Variants in HHIPL1 observed in about 807,000 individuals in gnomAD.
The protein encoded by HHIPL1 is HHIP like 1.
Under a neutral mutation model 61.8 loss-of-function variants are expected in HHIPL1, and 43 were observed. The ratio of observed to expected loss-of-function variants is 0.70; its 90% confidence interval spans 0.55 to 0.90. The LOEUF (loss-of-function observed/expected upper bound fraction) is 0.90. Among genes scored for constraint, HHIPL1 ranks in the 40% least tolerant of loss-of-function variants. The probability of loss-of-function intolerance (pLI) is 0.00; values close to 1 mark genes in which losing one functional copy is unlikely to be tolerated. For synonymous variants in HHIPL1, 482 were observed against 515.8 expected (o/e 0.93, Z 0.89); for missense variants, 1,056 against 1,157.7 (o/e 0.91, Z 1.28).
the HHIPL1 span, among the ~76,000 whole-genome samples, chr14:99,611,843 A>ATCTC: frequency 6.6e-6 from 1 of 152,028 alleles, no homozygotes; most frequent in African/African-American, 2.4e-5. Context: ...AAGACAGAGA[A>ATCTC]TGTCAGGGTC....
At chr14:99,645,512 C>A in intron 1 of HHIPL1, 50 bp downstream of exon 1, 3 of 1,250,180 alleles carry the variant, frequency 2.4e-6, no homozygotes, top group Non-Finnish European at 3.0e-6. Context: ...GAGGCCGAGT[C>A]CTGGAGCAGA....
the HHIPL1 span, among the ~76,000 whole-genome samples, chr14:99,633,053 G>C: frequency 6.6e-6 from 1 of 152,066 alleles, no homozygotes; most frequent in Non-Finnish European, 1.5e-5. Context: ...GTGGATTCAT[G>C]TGAGAGACAG....
chr14:99,616,474 G>A, the HHIPL1 span, among the ~76,000 whole-genome samples: 1 of 152,230 alleles, frequency 6.6e-6, no homozygotes, highest in Non-Finnish European at 1.5e-5. Context: ...AGGGACGTAA[G>A]TGGCCCGAAG....
At chr14:99,649,047 C>T (rs1346193148) in intron 1 of HHIPL1, among the ~76,000 whole-genome samples, 1 of 152,202 alleles carries the variant, frequency 6.6e-6, no homozygotes, top group Non-Finnish European at 1.5e-5. Context: ...GGCCAAGCTG[C>T]GGATCATCCT....
upstream of HHIPL1, among the ~76,000 whole-genome samples, chr14:99,642,737 T>C (rs373334135): frequency 2.0e-5 from 3 of 151,978 alleles, no homozygotes; most frequent in African/African-American, 7.3e-5. Flanking sequence ...TATTAGCCAG[T>C]ATGATTTCGA....
At chr14:99,639,651 T>G in the HHIPL1 span, among the ~76,000 whole-genome samples, 1 of 151,322 alleles carries the variant, frequency 6.6e-6, no homozygotes, top group Non-Finnish European at 1.5e-5. Flanking sequence ...CAGGTAGGCC[T>G]TGTTTTTTTG....
At position 99,660,155 on chromosome 14, in the gene HHIPL1, C is replaced by T; in HGVS notation, c.1376-125C>T. ...CCAGCCCTGCTGTGGGCACGCCAGC[C>T]CTGCTGTGGGCACGCCCCTCCCTCC... On this transcript the variant is annotated intron_variant, in intron 4 of 8. Coordinates refer to ENST00000330710, the MANE Select transcript of HHIPL1 (RefSeq NM_001127258.3). This position sits in a 1 kb window ranked among gnomAD's most constrained non-coding sequence, Gnocchi z 4.9. The T allele has an allele frequency of 8.4e-7, 1 of 1,189,142 alleles. No individual in the cohort carries two copies. Among genetic ancestry groups the T allele is most frequent in the Non-Finnish European group, 1.2e-6 (1 of 840,060 alleles). 73.7% of individuals were successfully genotyped at this position (1,189,142 alleles called of 1,614,324 possible).
the HHIPL1 span, among the ~76,000 whole-genome samples, chr14:99,605,404 C>T: frequency 3.3e-5 from 5 of 151,708 alleles, no homozygotes; most frequent in Non-Finnish European, 1.5e-5. Context: ...GGGTCCCTCC[C>T]CCGGAACCTG....
Position 99,679,896 on chromosome 14 carries a change from A to T in HHIPL1, c.*4270A>T, listed in dbSNP as rs985750966. 1 of 152,276 alleles carries T rather than the reference A, an allele frequency of 6.6e-6. No homozygotes were observed. The highest frequency in any genetic ancestry group is 1.5e-5 in the Non-Finnish European group (1 of 68,056). 9.4% of individuals were successfully genotyped at this position (152,276 alleles called of 1,614,324 possible). A position where few individuals can be genotyped will look rare whatever the true frequency, so the allele number is the denominator to read the frequency against. ...GCAGAAGAAAGAGCTCCTTCAGCCT[A>T]ACATGTAGAACTCAAGTCTTCTTGT... On this transcript the variant is annotated 3_prime_UTR_variant, in exon 9 of 9. Transcript: ENST00000330710.
At chr14:99,613,379 G>T in the HHIPL1 span, among the ~76,000 whole-genome samples, 1 of 151,332 alleles carries the variant, frequency 6.6e-6, no homozygotes, top group African/African-American at 2.4e-5. Flanking sequence ...AGGCTGGAGT[G>T]CAGTGGTGCC....
At chr14:99,642,741 A>G (rs1322445871), upstream of HHIPL1, among the ~76,000 whole-genome samples, 3 of 151,492 alleles carry the variant, frequency 2.0e-5, no homozygotes, top group East Asian at 2.0e-4. Context: ...AGCCAGTATG[A>G]TTTCGATCTC....
chr14:99,625,575 A>C, the HHIPL1 span: 1 of 149,254 alleles, frequency 6.7e-6, no homozygotes. Context: ...TGGAGATGGG[A>C]GGCTGAGCCC....
chr14:99,644,313 A>C (rs1191661127), upstream of HHIPL1, among the ~76,000 whole-genome samples: 1 of 152,196 alleles, frequency 6.6e-6, no homozygotes, highest in East Asian at 1.9e-4. Flanking sequence ...GCAAACGCTG[A>C]GGTCCACTTG....
At chr14:99,632,242 G>C in the HHIPL1 span, among the ~76,000 whole-genome samples, 1 of 152,210 alleles carries the variant, frequency 6.6e-6, no homozygotes, top group Admixed American at 6.5e-5. Flanking sequence ...CATTGGGGTA[G>C]ATCTTAAACA....
chr14:99,652,987 G>C (rs2140061559), intron 2 of HHIPL1, 117 bp downstream of exon 2: 1 of 1,055,882 alleles, frequency 9.5e-7, no homozygotes, highest in Non-Finnish European at 1.3e-6. Flanking sequence ...CACCTGGTGG[G>C]GGTGCTGAAT....
At chr14:99,645,959 G>A (rs2055826662) in intron 1 of HHIPL1, among the ~76,000 whole-genome samples, 1 of 152,210 alleles carries the variant, frequency 6.6e-6, no homozygotes, top group South Asian at 2.1e-4. Context: ...TGGGGCCACT[G>A]TCCCCCACGA....
the HHIPL1 span, among the ~76,000 whole-genome samples, chr14:99,639,804 G>A: frequency 6.6e-6 from 1 of 152,058 alleles, no homozygotes; most frequent in Non-Finnish European, 1.5e-5. Context: ...TGGGACTACA[G>A]GCACGCGCTA....
intron 6 of HHIPL1, among the ~76,000 whole-genome samples, 168 bp downstream of exon 6, chr14:99,663,189 A>G (rs2056183048): frequency 6.6e-6 from 1 of 152,172 alleles, no homozygotes; most frequent in East Asian, 1.9e-4. Context: ...CTGTTACGGA[A>G]AGGGGTCCCA....
intron 1 of HHIPL1, among the ~76,000 whole-genome samples, chr14:99,647,067 G>A (rs2055853762): frequency 1.3e-5 from 2 of 152,124 alleles, no homozygotes. Flanking sequence ...TCAGAGGCAG[G>A]CAGGGACTTG....
Sources: gnomAD v4.1 joint callset for allele counts (sites outside exome capture counted in the v4.1 genomes callset) on GRCh38, gnomAD v4.1.1 for gene constraint, Gnocchi (gnomAD v3.1) non-coding constraint, MANE v1.5 for transcripts, NCBI Gene and HGNC (gene_info 2026-07-23, HGNC 2026-07-21) for gene names.